Variants in MAGI1 observed in about 807,000 individuals in gnomAD.
MAGI1 encodes the protein membrane associated guanylate kinase, WW and PDZ domain containing 1.
MAGI1 carries 58 observed loss-of-function variants against 139.9 expected under a neutral mutation model. The observed-to-expected ratio is 0.41, with a 90% CI of 0.34 to 0.52. The LOEUF (loss-of-function observed/expected upper bound fraction) is 0.52. Ranked by LOEUF, MAGI1 falls within the 20% of genes least tolerant of loss-of-function variation. The pLI is 0.12. For missense variants in MAGI1, 1,874 were observed against 1,901.6 expected (o/e 0.99, Z 0.27); for synonymous variants, 812 against 737.9 (o/e 1.10, Z -1.63).
At position 65,445,877 on chromosome 3, in the gene MAGI1, T is replaced by C. The variant is rs553263855; in HGVS notation, c.1078+2145A>G. ...AGGGTTTCCTTGTCACATCTGGAAT[T>C]ACATTGTTCACTGAAAACCTGACAG... On this transcript the variant is annotated intron_variant, in intron 7 of 22. Coordinates refer to ENST00000402939, the MANE Select transcript of MAGI1 (RefSeq NM_001033057.2). Among the ~76,000 whole-genome samples, 6 of 152,310 alleles carry C rather than the reference T, an allele frequency of 3.9e-5. No homozygotes were observed. The South Asian group carries it at 1.2e-3, about 32-fold the overall frequency.
At chr3:65,615,569 G>A (rs2083328115) in intron 2 of MAGI1, among the ~76,000 whole-genome samples, 1 of 152,150 alleles carries the variant, frequency 6.6e-6, no homozygotes, top group Non-Finnish European at 1.5e-5. Flanking sequence ...GGATGCTGCT[G>A]GCATTTATGA....
intron 1 of MAGI1, among the ~76,000 whole-genome samples, chr3:65,752,195 C>T (rs894651462): frequency 3.3e-5 from 5 of 152,174 alleles, no homozygotes; most frequent in African/African-American, 9.7e-5. Context: ...GCAACGTGCC[C>T]TCCTTGGCCT....
chr3:65,979,073 G>GT (rs1337281276), intron 1 of MAGI1, among the ~76,000 whole-genome samples: 1 of 124,322 alleles, frequency 8.0e-6, no homozygotes, highest in Non-Finnish European at 1.7e-5. Context: ...AACAGCCAAA[G>GT]TTTTTTTCTT....
chr3:65,570,954 C>A (rs1340308312), intron 2 of MAGI1, among the ~76,000 whole-genome samples: 1 of 152,128 alleles, frequency 6.6e-6, no homozygotes, highest in Non-Finnish European at 1.5e-5. Context: ...TCAATTTTGC[C>A]AATGGTATCT....
chr3:65,641,942 C>T (rs1455096615), intron 1 of MAGI1, among the ~76,000 whole-genome samples: 1 of 152,096 alleles, frequency 6.6e-6, no homozygotes, highest in Admixed American at 6.5e-5. Flanking sequence ...GGTTAGGGGC[C>T]CAAGGTTTCT....
chr3:65,591,657 T>G (rs2081969801), intron 2 of MAGI1, among the ~76,000 whole-genome samples: 3 of 152,156 alleles, frequency 2.0e-5, no homozygotes, highest in Admixed American at 2.0e-4. Context: ...GTCTAAAATG[T>G]CTAGCATAAT....
At chr3:65,561,555 G>A (rs1010034642) in intron 2 of MAGI1, among the ~76,000 whole-genome samples, 5 of 152,140 alleles carry the variant, frequency 3.3e-5, no homozygotes, top group Admixed American at 2.6e-4. Flanking sequence ...CAAGAGACAT[G>A]AGACAGATTA....
chr3:65,758,949 G>A (rs1453781598), intron 1 of MAGI1, among the ~76,000 whole-genome samples: 1 of 151,572 alleles, frequency 6.6e-6, no homozygotes, highest in African/African-American at 2.4e-5. Flanking sequence ...ATATATGCTG[G>A]TGAATGTTAG....
At chr3:65,961,339 CAGTT>C (rs1437098534) in intron 1 of MAGI1, among the ~76,000 whole-genome samples, 1 of 152,170 alleles carries the variant, frequency 6.6e-6, no homozygotes, top group African/African-American at 2.4e-5. Context: ...TAAATTCATT[CAGTT>C]ATTCAGCCCC....
intron 1 of MAGI1, among the ~76,000 whole-genome samples, chr3:65,750,092 C>T (rs1049452759): frequency 6.6e-6 from 1 of 152,136 alleles, no homozygotes; most frequent in Non-Finnish European, 1.5e-5. Flanking sequence ...GGTGCTGAGG[C>T]TGGGACACAT....
At chr3:65,767,081 G>A (rs1336882963) in intron 1 of MAGI1, among the ~76,000 whole-genome samples, 1 of 152,112 alleles carries the variant, frequency 6.6e-6, no homozygotes, top group African/African-American at 2.4e-5. Flanking sequence ...AGGAATGACA[G>A]AATCATGACA....
intron 1 of MAGI1, among the ~76,000 whole-genome samples, chr3:65,631,474 C>T (rs1324799471): frequency 6.6e-6 from 1 of 152,150 alleles, no homozygotes; most frequent in Non-Finnish European, 1.5e-5. Context: ...TAACCTATTA[C>T]CAATTAGTAG....
chr3:65,381,811 G>GCT, intron 16 of MAGI1, 66 bp downstream of exon 16: 4 of 1,420,940 alleles, frequency 2.8e-6, no homozygotes, highest in Non-Finnish European at 3.8e-6. Flanking sequence ...GGCAGACACA[G>GCT]GAAGGAGGCC....
intron 1 of MAGI1, among the ~76,000 whole-genome samples, chr3:65,934,089 C>G (rs370878017): frequency 2.0e-5 from 3 of 152,074 alleles, no homozygotes; most frequent in East Asian, 3.9e-4. Context: ...CCACTGCACT[C>G]CAGCCTGGGC....
chr3:65,664,895 G>A (rs6445494), intron 1 of MAGI1, among the ~76,000 whole-genome samples: 149,191 of 152,260 alleles, frequency 0.98, 73,111 homozygotes, highest in African/African-American at 0.99. Flanking sequence ...TTGTAGTGCT[G>A]AAGTCTATAT....
At chr3:65,931,624 A>G (rs1048785558) in intron 1 of MAGI1, among the ~76,000 whole-genome samples, 19 of 152,222 alleles carry the variant, frequency 1.2e-4, no homozygotes, top group African/African-American at 3.4e-4. Flanking sequence ...AGATTGTGCT[A>G]CTGCACTCTA....
At chr3:65,854,251 G>A (rs929812305) in intron 1 of MAGI1, among the ~76,000 whole-genome samples, 1 of 150,250 alleles carries the variant, frequency 6.7e-6, no homozygotes, top group African/African-American at 2.4e-5. Flanking sequence ...CGTTTCAGAA[G>A]AGTCTGGGCA....
intron 7 of MAGI1, among the ~76,000 whole-genome samples, chr3:65,445,324 C>T (rs921363088): frequency 4.6e-5 from 7 of 152,178 alleles, no homozygotes; most frequent in Non-Finnish European, 7.3e-5. Context: ...ACACTTAGCA[C>T]AGTTCCTGGC....
intron 1 of MAGI1, among the ~76,000 whole-genome samples, chr3:65,973,134 G>C (rs1369720188): frequency 6.6e-6 from 1 of 152,052 alleles, no homozygotes; most frequent in Non-Finnish European, 1.5e-5. Context: ...GGGTGACACA[G>C]TGAGACCCTG....
Sources: gnomAD v4.1 joint callset for allele counts (sites outside exome capture counted in the v4.1 genomes callset) on GRCh38, gnomAD v4.1.1 for gene constraint, MANE v1.5 for transcripts, NCBI Gene and HGNC (gene_info 2026-07-23, HGNC 2026-07-21) for gene names.